The following NLN variants were observed in gnomAD, a reference collection of about 807,000 sequenced individuals.
The protein encoded by NLN is neurolysin, also known as neurolysin, mitochondrial.
NLN carries 64 observed loss-of-function variants against 79.9 expected under a neutral mutation model. The ratio of observed to expected loss-of-function variants is 0.80; its 90% CI spans 0.65 to 0.99. NLN has a LOEUF of 0.99. Among genes scored for constraint, NLN ranks in the 50% least tolerant of loss-of-function variants. The pLI is 0.00. For missense variants in NLN, 835 were observed against 858.7 expected, an observed-to-expected ratio of 0.97 and a Z score of 0.34; for synonymous variants, 267 against 296.6, an observed-to-expected ratio of 0.90 and a Z score of 1.02.
At chr5:65,753,020 C>T (rs1759134303) in intron 1 of NLN, among the ~76,000 whole-genome samples, 2 of 152,060 alleles carry the variant, frequency 1.3e-5, no homozygotes, top group Non-Finnish European at 2.9e-5. Context: ...CACTAGTTGC[C>T]TTGGAAACTA....
intron 12 of NLN, among the ~76,000 whole-genome samples, chr5:65,822,466 A>G (rs1011191812): frequency 6.6e-6 from 1 of 152,254 alleles, no homozygotes. Flanking sequence ...ATAGCATAGC[A>G]AATAGGAACC....
chr5:65,743,237 C>T (rs1758907554), intron 1 of NLN, among the ~76,000 whole-genome samples: 1 of 152,182 alleles, frequency 6.6e-6, no homozygotes, highest in African/African-American at 2.4e-5. Context: ...CAAATATTTA[C>T]TAAGCACCAG....
chr5:65,753,520 C>G (rs1462707874), intron 1 of NLN, among the ~76,000 whole-genome samples: 1 of 151,860 alleles, frequency 6.6e-6, no homozygotes, highest in African/African-American at 2.4e-5. Context: ...CATGGTGGCA[C>G]AAGCTTGTAA....
At chr5:65,766,929 T>A (rs1759464421) in intron 3 of NLN, among the ~76,000 whole-genome samples, 1 of 152,238 alleles carries the variant, frequency 6.6e-6, no homozygotes, top group African/African-American at 2.4e-5. Flanking sequence ...ATGTCTCACA[T>A]CCAGGGCGCA....
At chr5:65,775,715 T>C (rs1364489400) in intron 3 of NLN, among the ~76,000 whole-genome samples, 1 of 152,198 alleles carries the variant, frequency 6.6e-6, no homozygotes, top group Non-Finnish European at 1.5e-5. Flanking sequence ...AACCAGCCCA[T>C]AGCCCAGTTA....
At chr5:65,728,676 T>A (rs979635778) in intron 1 of NLN, among the ~76,000 whole-genome samples, 1 of 152,188 alleles carries the variant, frequency 6.6e-6, no homozygotes, top group African/African-American at 2.4e-5. Context: ...TTATTATAAT[T>A]TGCATTTTCA....
At chr5:65,753,048 C>T (rs576197070) in intron 1 of NLN, among the ~76,000 whole-genome samples, 6 of 152,144 alleles carry the variant, frequency 3.9e-5, no homozygotes, top group South Asian at 2.1e-4. Context: ...TATATGTGTC[C>T]GGCCGAGGTG....
chr5:65,726,040 A>G (rs1454120244), intron 1 of NLN, among the ~76,000 whole-genome samples: 4 of 151,082 alleles, frequency 2.6e-5, no homozygotes, highest in African/African-American at 9.8e-5. Flanking sequence ...TGAACCCGGA[A>G]GGTGGAGTTT....
At chr5:65,734,343 G>C (rs574758115) in intron 1 of NLN, among the ~76,000 whole-genome samples, 1 of 137,470 alleles carries the variant, frequency 7.3e-6, no homozygotes, top group Admixed American at 7.1e-5. Context: ...TTTCAGGCAC[G>C]TGCTGACTGT....
intron 9 of NLN, among the ~76,000 whole-genome samples, chr5:65,794,282 G>T (rs1182327379): frequency 6.6e-6 from 1 of 152,146 alleles, no homozygotes; most frequent in Non-Finnish European, 1.5e-5. Flanking sequence ...GTAGATCCTA[G>T]TACTTGTAGT....
chr5:65,767,898 G>C lies in NLN; in HGVS notation c.450+4790G>C, dbSNP rs114478602. Among the ~76,000 whole-genome samples, 1,184 of 152,300 alleles carry C rather than the reference G, an allele frequency of 7.8e-3. 7 individuals are homozygous for C. Among genetic ancestry groups the C allele is most frequent in the South Asian group, 0.017 (80 of 4,822 alleles). On this transcript the variant is annotated intron_variant, in intron 3 of 12. Transcript: ENST00000380985. ...CTCTAGGGCAGGTGCAAAGTGCCCAGTATCTTTGGTAAAGCATAGCATGGG... is the reference window on the plus strand; with the variant it reads ...CTCTAGGGCAGGTGCAAAGTGCCCACTATCTTTGGTAAAGCATAGCATGGG...
At position 65,812,364 on chromosome 5, in the gene NLN, T is replaced by A. The variant is rs1309762318; in HGVS notation, c.1953T>A (p.Phe651Leu). The change falls in exon 12 of 13, where the codon TTT (phenylalanine) becomes TTA (leucine). Residue 651 changes from phenylalanine to leucine, a missense_variant. Transcript: ENST00000380985. Reference protein sequence around the residue: ...VFSMDMFYSCFKKEGIMNPEV... With the variant: ...VFSMDMFYSCLKKEGIMNPEV... ...CCATGGATATGTTTTACAGCTGTTT[T>A]AAAAAAGAAGGGATAATGAATCCAG... 1.3e-6 allele frequency: 2 copies of A among 1,562,840 alleles called. No homozygotes were observed. The highest frequency in any genetic ancestry group is 3.3e-5 in the Admixed American group (2 of 59,760).
At position 65,792,548 on chromosome 5, in the gene NLN, G is replaced by A. The variant is rs762295777; in HGVS notation, c.1420G>A (p.Val474Met). Reference protein sequence around the residue: ...SRMMAVAALVVNFSQPVAGRP... With the variant: ...SRMMAVAALVMNFSQPVAGRP... ...GATGATGGCAGTGGCTGCCCTCGTG[G>A]TGAACTTCTCACAGCCAGTGGCAGG... The change falls in exon 9 of 13, where the codon GTG (valine) becomes ATG (methionine). Residue 474 changes from valine (V) to methionine (M), a missense_variant. By Grantham distance (21) the Val-to-Met change is conservative. Coordinates refer to ENST00000380985, the MANE Select transcript of NLN (RefSeq NM_020726.5). The A allele has an allele frequency of 6.2e-7, 1 of 1,613,906 alleles. No individual in the cohort carries two copies. Among genetic ancestry groups the A allele is most frequent in the Admixed American group, 1.7e-5 (1 of 60,024 alleles).
chr5:65,735,705 C>G (rs1317311869), intron 1 of NLN, among the ~76,000 whole-genome samples: 1 of 152,140 alleles, frequency 6.6e-6, no homozygotes, highest in Non-Finnish European at 1.5e-5. Flanking sequence ...TGCAATTTTT[C>G]TTTACTTGTC....
In NLN at chr5:65,788,396, G is replaced by A; in HGVS notation, c.1237G>A (p.Val413Ile). 6.2e-7 allele frequency: 1 copy of A among 1,614,166 alleles called. No homozygotes were observed. Among genetic ancestry groups the A allele is most frequent in the Non-Finnish European group, 8.5e-7 (1 of 1,180,002 alleles). The change falls in exon 8 of 13, where the codon GTT (valine) becomes ATT (isoleucine). Residue 413 changes from valine to isoleucine, a missense_variant. Val to Ile is a conservative substitution (Grantham distance 29, BLOSUM62 3). Coordinates refer to ENST00000380985, the MANE Select transcript of NLN (RefSeq NM_020726.5). Reference protein sequence around the residue: ...LSFEQMTDAHVWNKSVTLYTV... With the variant: ...LSFEQMTDAHIWNKSVTLYTV... ...ATTTGAACAAATGACAGATGCTCAT[G>A]TTTGGAACAAGAGTGTTACACTTTA...
At chr5:65,790,418 C>T (rs1382723204) in intron 8 of NLN, among the ~76,000 whole-genome samples, 1 of 152,186 alleles carries the variant, frequency 6.6e-6, no homozygotes, top group Non-Finnish European at 1.5e-5. Context: ...ACTTACAGTT[C>T]TGCAGGGCTG....
intron 1 of NLN, chr5:65,733,016 C>T (rs1342092708): frequency 1.9e-6 from 2 of 1,077,646 alleles, no homozygotes; most frequent in Admixed American, 3.7e-5. Flanking sequence ...ATGCCCACTT[C>T]AAGTTTACCA....
At chr5:65,806,515 A>T (rs1303646571) in intron 9 of NLN, among the ~76,000 whole-genome samples, 2 of 152,260 alleles carry the variant, frequency 1.3e-5, no homozygotes, top group Admixed American at 1.3e-4. Flanking sequence ...TGGTAGAAAC[A>T]GCAGGACAAC....
intron 3 of NLN, among the ~76,000 whole-genome samples, chr5:65,776,451 T>C (rs1759680883): frequency 6.6e-6 from 1 of 152,170 alleles, no homozygotes; most frequent in African/African-American, 2.4e-5. Context: ...TTTAATTAGT[T>C]GGGAAATTAG....
Sources: allele counts gnomAD v4.1 joint callset (sites outside exome capture counted in the v4.1 genomes callset), GRCh38; gene constraint gnomAD v4.1.1; transcripts MANE v1.5; gene names NCBI Gene and HGNC (gene_info 2026-07-23, HGNC 2026-07-21).